PTPRD: variants seen among roughly 807,000 people sequenced by gnomAD.
PTPRD encodes protein tyrosine phosphatase receptor type D.
Under a neutral mutation model 214.5 loss-of-function variants are expected in PTPRD, and 34 were observed. The ratio of observed to expected loss-of-function variants is 0.16; its 90% CI spans 0.12 to 0.21. The LOEUF (loss-of-function observed/expected upper bound fraction) is 0.21, where lower values mean the gene tolerates loss of function less well. PTPRD is among the 10% of genes least tolerant of loss of function. The pLI, the probability that PTPRD is intolerant of heterozygous loss-of-function variation, is 1.00. For missense variants in PTPRD, 2,545 were observed against 2,398.7 expected, an observed-to-expected ratio of 1.06 and a Z score of -1.27; for synonymous variants, 1,128 against 845.7, an observed-to-expected ratio of 1.33 and a Z score of -5.79.
intron 3 of PTPRD, among the ~76,000 whole-genome samples, chr9:10,042,614 A>C (rs1414318569): frequency 6.6e-6 from 1 of 151,910 alleles, no homozygotes; most frequent in Non-Finnish European, 1.5e-5. Context: ...TTGGTGAAGA[A>C]ACTGACAGAG....
At chr9:9,421,525 A>G (rs1273104056) in intron 8 of PTPRD, among the ~76,000 whole-genome samples, 1 of 152,106 alleles carries the variant, frequency 6.6e-6, no homozygotes, top group Non-Finnish European at 1.5e-5. Context: ...AAATACAACA[A>G]AAGTGTTTTC....
intron 5 of PTPRD, among the ~76,000 whole-genome samples, chr9:9,793,955 A>G (rs1324753631): frequency 1.3e-5 from 2 of 152,106 alleles, no homozygotes; most frequent in African/African-American, 4.8e-5. Flanking sequence ...AAAGAGCTGA[A>G]GAATAATCAA....
intron 11 of PTPRD, among the ~76,000 whole-genome samples, chr9:8,871,011 G>T (rs904238044): frequency 1.3e-5 from 2 of 152,162 alleles, no homozygotes; most frequent in Non-Finnish European, 2.9e-5. Context: ...GAGACCACTA[G>T]GTGCCCCCTC....
At chr9:10,101,971 G>A (rs2098555611) in intron 3 of PTPRD, among the ~76,000 whole-genome samples, 1 of 151,620 alleles carries the variant, frequency 6.6e-6, no homozygotes, top group South Asian at 2.1e-4. Context: ...TATGTCAATT[G>A]GCCAGCCATA....
chr9:8,596,154 T>G lies in PTPRD; in HGVS notation c.352+37163A>C, dbSNP rs190794780. 2.0e-5 allele frequency among the ~76,000 whole-genome samples: 3 copies of G among 152,106 alleles called. No homozygotes were observed. In the East Asian group the frequency reaches 5.8e-4, roughly 29 times the overall value. On this transcript the variant is annotated intron_variant, in intron 14 of 45. Coordinates refer to ENST00000381196, the MANE Select transcript of PTPRD (RefSeq NM_002839.4). The stretch of plus-strand genomic sequence containing the variant: ...AGGGTAATGTGAGGTTCACCAATCA[T>G]TGTAAGATATAAAATACAAGAAAAA...
Position 10,378,237 on chromosome 9 carries a change from G to T in PTPRD, c.-599-37220C>A, listed in dbSNP as rs548072164. Among the ~76,000 whole-genome samples, 3 of 152,100 alleles carry T rather than the reference G, an allele frequency of 2.0e-5. No homozygotes were observed. The East Asian group carries it at 5.8e-4, about 30-fold the overall frequency. On this transcript the variant is annotated intron_variant, in intron 2 of 45. Coordinates refer to ENST00000381196, the MANE Select transcript of PTPRD (RefSeq NM_002839.4). ...TTATCTCTTGTCTGATGAGCAGGTT[G>T]AAAATATAGTTTCCAGTTCTGTGGG...
At chr9:10,212,484 T>C (rs1449828207) in intron 3 of PTPRD, among the ~76,000 whole-genome samples, 1 of 152,170 alleles carries the variant, frequency 6.6e-6, no homozygotes, top group East Asian at 1.9e-4. Context: ...GATTGCATTA[T>C]TCATTTTCAT....
chr9:9,432,516 C>A (rs2083595597), intron 8 of PTPRD, among the ~76,000 whole-genome samples: 1 of 152,106 alleles, frequency 6.6e-6, no homozygotes, highest in Non-Finnish European at 1.5e-5. Context: ...AAGAAATAGC[C>A]TAATTTTGTG....
In PTPRD at chr9:8,537,477, C is replaced by G. The variant is rs149601949; in HGVS notation, c.353-8698G>C. On this transcript the variant is annotated intron_variant, in intron 14 of 45. Transcript: ENST00000381196. ...GGTCCTCTTTGCAAGTTATTACATA[C>G]AGATAGTATGCTTGTCTTAATATGG... Among the ~76,000 whole-genome samples, 426 of 152,026 alleles carry G rather than the reference C, an allele frequency of 2.8e-3. 2 individuals are homozygous for G. The highest frequency in any genetic ancestry group is 9.7e-3 in the African/African-American group (404 of 41,524).
chr9:8,753,397 G>A (rs2093703020), intron 11 of PTPRD, among the ~76,000 whole-genome samples: 2 of 152,150 alleles, frequency 1.3e-5, no homozygotes, highest in South Asian at 4.1e-4. Context: ...GGTTCTGCCG[G>A]GGGATAAATC....
chr9:8,681,868 C>G (rs1310834850), intron 12 of PTPRD, among the ~76,000 whole-genome samples: 1 of 152,150 alleles, frequency 6.6e-6, no homozygotes, highest in Non-Finnish European at 1.5e-5. Context: ...TACATAATAT[C>G]TACTGTTTTC....
In PTPRD at chr9:8,504,440, A is replaced by C. The variant is rs775177547; in HGVS notation, c.1678-35T>G. The C allele has an allele frequency of 9.9e-6, 16 of 1,612,258 alleles. No homozygotes were observed. The East Asian group carries it at 3.3e-4, about 34-fold the overall frequency. On this transcript the variant is annotated intron_variant, in intron 22 of 45. Coordinates refer to ENST00000381196, the MANE Select transcript of PTPRD (RefSeq NM_002839.4). ...ATAAGAGAATGTGGTCATCTTCATT[A>C]AGGTTCATGCAAATACTTTTTAATC...
chr9:8,401,904 G>C (rs1182579195), intron 36 of PTPRD, among the ~76,000 whole-genome samples: 1 of 151,966 alleles, frequency 6.6e-6, no homozygotes, highest in African/African-American at 2.4e-5. Flanking sequence ...CACAAAACAA[G>C]CACATTAAGT....
At chr9:10,549,105 C>G (rs2130991439) in intron 2 of PTPRD, among the ~76,000 whole-genome samples, 1 of 152,230 alleles carries the variant, frequency 6.6e-6, no homozygotes. Flanking sequence ...GACACTTTGT[C>G]TTATCAATAT....
rs561928607 is a variant in PTPRD at position 10,297,269 on chromosome 9, A to G, written c.-545+43694T>C. The stretch of plus-strand genomic sequence containing the variant: ...TATTTTTAATTTAATTTGTGGCACC[A>G]TCTATAACATTATTTTTTTAAGTAT... On this transcript the variant is annotated intron_variant, in intron 3 of 45. Transcript: ENST00000381196. Among the ~76,000 whole-genome samples, 73 of 151,980 alleles carry G rather than the reference A, an allele frequency of 4.8e-4. No homozygotes were observed. The South Asian group carries it at 0.015, about 32-fold the overall frequency.
chr9:9,431,480 G>A (rs1834807599), intron 8 of PTPRD, among the ~76,000 whole-genome samples: 1 of 152,180 alleles, frequency 6.6e-6, no homozygotes, highest in South Asian at 2.1e-4. Context: ...TTCAACCATT[G>A]TGGAAGACAG....
At chr9:9,810,888 T>C (rs1419670207) in intron 5 of PTPRD, among the ~76,000 whole-genome samples, 2 of 151,552 alleles carry the variant, frequency 1.3e-5, no homozygotes, top group Non-Finnish European at 2.9e-5. Context: ...TTCAGCATTC[T>C]AGATGCCAGT....
At chr9:8,776,661 A>G (rs1272278014) in intron 11 of PTPRD, among the ~76,000 whole-genome samples, 1 of 152,002 alleles carries the variant, frequency 6.6e-6, no homozygotes, top group African/African-American at 2.4e-5. Flanking sequence ...AGATTATTTT[A>G]GCAGCAGTAT....
In PTPRD at chr9:8,525,006, A is replaced by C. The variant is rs755624211; in HGVS notation, c.598T>G (p.Ser200Ala). The C allele has an allele frequency of 1.2e-6, 2 of 1,613,322 alleles. No individual in the cohort carries two copies. The highest frequency in any genetic ancestry group is 1.3e-5 in the African/African-American group (1 of 74,802). Residue 200 changes from serine (S) to alanine (A), a missense_variant, in exon 18 of 46, where the codon TCT becomes GCT. By Grantham distance (99) the Ser-to-Ala change is moderately conservative. Transcript: ENST00000381196. ...GALQIEQSEESDQGKYECVAT... is the reference protein window; with the variant it reads ...GALQIEQSEEADQGKYECVAT... Reference sequence around the variant, plus strand: ...ACACACTCATATTTTCCTTGGTCAGACTCTTCACTCTGCTCAATCTGAAGG... The same window carrying C: ...ACACACTCATATTTTCCTTGGTCAGCCTCTTCACTCTGCTCAATCTGAAGG...
Sources: gnomAD v4.1 joint callset for allele counts (sites outside exome capture counted in the v4.1 genomes callset) on GRCh38, gnomAD v4.1.1 for gene constraint, MANE v1.5 for transcripts, NCBI Gene and HGNC (gene_info 2026-07-23, HGNC 2026-07-21) for gene names.